ARL5C: variants seen among roughly 807,000 people sequenced by gnomAD.
ARL5C encodes the protein ARF like GTPase 5C, also known as putative ADP-ribosylation factor-like protein 5C.
ARL5C carries 21 observed loss-of-function variants against 20.8 expected under a neutral mutation model. That is an observed-to-expected ratio of 1.01 (90% confidence interval 0.72 to 1.46). ARL5C has a LOEUF of 1.46. Among genes scored for constraint, ARL5C ranks in the 40% most tolerant of loss-of-function variants. The pLI, the probability that ARL5C is intolerant of heterozygous loss-of-function variation, is 0.00. For synonymous variants in ARL5C, 71 were observed against 81.6 expected (o/e 0.87, Z 0.70); for missense variants, 199 against 225.1 (o/e 0.88, Z 0.74).
chr17:39,162,350 A>T (rs1196141689), intron 3 of ARL5C, among the ~76,000 whole-genome samples: 1 of 152,002 alleles, frequency 6.6e-6, no homozygotes, highest in African/African-American at 2.4e-5. Flanking sequence ...CCCAGGCTGG[A>T]GTTGCAATGG....
chr17:39,163,006 G>T (rs2045442385), intron 2 of ARL5C, 148 bp from the exon 3 acceptor site: 2 of 931,632 alleles, frequency 2.1e-6, no homozygotes, highest in African/African-American at 1.7e-5. Context: ...CAGGCCCCGT[G>T]CTGGGCCCTG....
chr17:39,159,115 TG>T (rs2045421787), intron 5 of ARL5C, among the ~76,000 whole-genome samples: 1 of 128,426 alleles, frequency 7.8e-6, no homozygotes, highest in Non-Finnish European at 1.6e-5. Context: ...CAGTGCAGCC[TG>T]GAACTCCTGG....
At position 39,165,719 on chromosome 17, in the gene ARL5C, G is replaced by C; in HGVS notation, c.42C>G (p.Asn14Lys). 1 of 1,551,836 alleles carries C rather than the reference G, an allele frequency of 6.4e-7. No homozygotes were observed. The highest frequency in any genetic ancestry group is 1.2e-5 in the South Asian group (1 of 84,068). Residue 14 changes from asparagine to lysine, a missense_variant, in exon 1 of 6, where the codon AAC becomes AAG. By Grantham distance (94) the Asn-to-Lys change is moderately conservative. Transcript: ENST00000269586. ...LIAKLMSIFG[N>K]QEHTVIIVGL... ...GATGCCCTGTGCGCCCCTTACCCTG[G>C]TTCCCGAAGATGCTCATTAACTTGG...
At chr17:39,162,554 G>A (rs2045440094) in intron 3 of ARL5C, among the ~76,000 whole-genome samples, 157 bp downstream of exon 3, 1 of 152,122 alleles carries the variant, frequency 6.6e-6, no homozygotes, top group Non-Finnish European at 1.5e-5. Flanking sequence ...ACCCGCCTTG[G>A]ACTCCCAAAG....
chr17:39,160,682 T>C lies in ARL5C; in HGVS notation c.400A>G (p.Arg134Gly), dbSNP rs1219987702. The C allele has an allele frequency of 1.3e-6, 2 of 1,551,774 alleles. No homozygotes were observed. The highest frequency in any genetic ancestry group is 1.7e-6 in the Non-Finnish European group (2 of 1,147,010). The part of the protein sequence containing the change: ...ANKQDVKDSM[R>G]MVEISHFLTL... ...AGGAAATGGGAGATCTCCACCATCC[T>C]CATGGAGTCCTTCACGTCCTGCTTA... The change falls in exon 5 of 6, where the codon AGG (arginine) becomes GGG (glycine). Residue 134 changes from arginine (R) to glycine (G), a missense_variant. Physicochemically the swap from Arg to Gly is moderately radical, Grantham distance 125 (BLOSUM62 -2). Coordinates refer to ENST00000269586, the MANE Select transcript of ARL5C (RefSeq NM_001143968.1).
chr17:39,160,985 A>T (rs951914283), intron 4 of ARL5C, among the ~76,000 whole-genome samples: 1 of 152,192 alleles, frequency 6.6e-6, no homozygotes, highest in Non-Finnish European at 1.5e-5. Context: ...CTCATTTTAT[A>T]CTTGGGGAAA....
At chr17:39,163,128 A>G (rs532333769) in intron 2 of ARL5C, among the ~76,000 whole-genome samples, 110 of 152,230 alleles carry the variant, frequency 7.2e-4, no homozygotes, top group African/African-American at 2.6e-3. Flanking sequence ...TTTTATAGAA[A>G]CAGGGTCTCA....
chr17:39,161,928 G>C (rs515669), intron 3 of ARL5C, among the ~76,000 whole-genome samples: 41,100 of 152,064 alleles, frequency 0.27, 6,423 homozygotes, highest in African/African-American at 0.44. Context: ...TTACCACAAC[G>C]CTGTGGACTT....
chr17:39,161,271 A>G lies in ARL5C; in HGVS notation c.336T>C (p.His112=), dbSNP rs560559460. 238 of 1,551,774 alleles carry G rather than the reference A, an allele frequency of 1.5e-4. 5 individuals carry two copies. The South Asian group carries it at 2.6e-3, about 17-fold the overall frequency. The change falls in exon 4 of 6, where the codon CAT becomes CAC. Residue 112 remains histidine (H), a synonymous_variant. Transcript: ENST00000269586. ...CTCCCAACTGCAGGGGGCTTACCTC[A>G]TGGGCCAGCATTTTATATAGCTCCT... ...TREELYKMLA[H]EALQDASVLI... is the part of the protein sequence containing the mutation.
intron 5 of ARL5C, among the ~76,000 whole-genome samples, chr17:39,159,027 T>TTTTTTTTTG (rs2045421025): frequency 8.5e-6 from 1 of 118,146 alleles, no homozygotes; most frequent in African/African-American, 3.2e-5. Context: ...CACTTGTTTT[T>TTTTTTTTTG]TTTTTTTTTT....
intron 2 of ARL5C, among the ~76,000 whole-genome samples, chr17:39,163,464 T>C (rs947596242): frequency 6.6e-6 from 1 of 151,170 alleles, no homozygotes; most frequent in East Asian, 1.9e-4. Context: ...CAGTCTGGAG[T>C]GTAGGTACGA....
intron 3 of ARL5C, 21 bp from the exon 4 acceptor site, chr17:39,161,372 G>T: frequency 6.5e-7 from 1 of 1,549,232 alleles, no homozygotes; most frequent in Non-Finnish European, 8.7e-7. Flanking sequence ...GAGGGGAGCC[G>T]TGAGAGACAG....
chr17:39,157,899 C>G (rs972410548), intron 5 of ARL5C, among the ~76,000 whole-genome samples: 2 of 151,260 alleles, frequency 1.3e-5, no homozygotes, highest in African/African-American at 4.9e-5. Flanking sequence ...CGAGACCATC[C>G]TGGCTAACAC....
In ARL5C at chr17:39,165,150, C is replaced by T. The variant is rs575418062; in HGVS notation, c.47-11G>A. 4.6e-5 allele frequency: 71 copies of T among 1,551,294 alleles called. No homozygotes were observed. The South Asian group carries it at 6.8e-4, about 15-fold the overall frequency. ...TGATGACCGTGTGCTCTGGAAGCGT[C>T]GGAGGAAGGGCAGCGTCAGGGCCAA... On this transcript the variant is annotated splice_polypyrimidine_tract_variant and intron_variant, in intron 1 of 5. Transcript: ENST00000269586.
intron 5 of ARL5C, among the ~76,000 whole-genome samples, chr17:39,159,327 G>A (rs1352354155): frequency 1.3e-4 from 18 of 133,502 alleles, no homozygotes; most frequent in East Asian, 2.2e-4. Flanking sequence ...ATGGTGCTTC[G>A]CTCTTGTTGC....
chr17:39,163,553 A>G (rs1263534690), intron 2 of ARL5C, among the ~76,000 whole-genome samples: 1 of 150,694 alleles, frequency 6.6e-6, no homozygotes, highest in African/African-American at 2.4e-5. Flanking sequence ...CCCCCACGCC[A>G]GGCTTATTTT....
intron 3 of ARL5C, among the ~76,000 whole-genome samples, 194 bp from the exon 4 acceptor site, chr17:39,161,545 G>A (rs957710639): frequency 7.5e-5 from 11 of 146,956 alleles, no homozygotes; most frequent in Middle Eastern, 3.2e-3. Context: ...GCGGAGTCTC[G>A]CTCTGTCATC....
intron 5 of ARL5C, among the ~76,000 whole-genome samples, chr17:39,157,225 G>A (rs1253805347): frequency 6.6e-6 from 1 of 152,200 alleles, no homozygotes; most frequent in Admixed American, 6.5e-5. Flanking sequence ...ATTACATACT[G>A]TGATAAAGGA....
intron 5 of ARL5C, among the ~76,000 whole-genome samples, chr17:39,157,955 G>A (rs916795941): frequency 1.3e-5 from 2 of 150,664 alleles, no homozygotes; most frequent in Non-Finnish European, 3.0e-5. Context: ...AAAATTAACC[G>A]GGCGTGGTGG....
Sources: allele counts gnomAD v4.1 joint callset (sites outside exome capture counted in the v4.1 genomes callset), GRCh38; gene constraint gnomAD v4.1.1; transcripts MANE v1.5; gene names NCBI Gene and HGNC (gene_info 2026-07-23, HGNC 2026-07-21).